The following DTNB variants were observed in gnomAD, a reference collection of about 807,000 sequenced individuals.
DTNB encodes the protein DTN-B.
DTNB carries 63 observed loss-of-function variants against 90.7 expected under a neutral mutation model. The ratio of observed to expected loss-of-function variants is 0.69; its 90% CI spans 0.57 to 0.86. The LOEUF is 0.86. Among genes scored for constraint, DTNB ranks in the 40% least tolerant of loss-of-function variants. DTNB has a pLI of 0.00. For synonymous variants in DTNB, 277 were observed against 286.7 expected, an observed-to-expected ratio of 0.97 and a Z score of 0.34; for missense variants, 744 against 807.1, an observed-to-expected ratio of 0.92 and a Z score of 0.95.
chr2:25,550,187 C>G (rs527513321), intron 8 of DTNB, among the ~76,000 whole-genome samples: 27 of 152,090 alleles, frequency 1.8e-4, no homozygotes, highest in South Asian at 4.2e-4. Context: ...GTCAGGAGAT[C>G]GAGACCATCC....
At position 25,652,635 on chromosome 2, in the gene DTNB, C is replaced by T. The variant is rs769417261; in HGVS notation, c.26G>A (p.Arg9Gln). The change falls in exon 2 of 21, where the codon CGG becomes CAG. Residue 9 changes from arginine to glutamine, a missense_variant. Transcript: ENST00000406818. ...CTGCCTCTTCTCTGCCATGGTCTTC[C>T]GCTTGTTCCCACTTTCCTCAATCAT... MIEESGNKRKTMAEKRQLF... is the reference protein window; with the variant it reads MIEESGNKQKTMAEKRQLF... 14 of 1,612,678 alleles carry T rather than the reference C, an allele frequency of 8.7e-6. No homozygotes were observed. The highest frequency in any genetic ancestry group is 2.2e-5 in the East Asian group (1 of 44,812).
rs566271065 is a variant in DTNB, at chr2:25,498,284, G to C, written c.1002-15411C>G. Among the ~76,000 whole-genome samples, 3 of 152,312 alleles carry C rather than the reference G, an allele frequency of 2.0e-5. No homozygotes were observed. In the South Asian group the frequency reaches 6.2e-4, roughly 32 times the overall value. On this transcript the variant is annotated intron_variant, in intron 9 of 20. Coordinates refer to ENST00000406818, the MANE Select transcript of DTNB (RefSeq NM_021907.5). ...ATTATTTACTTAGATAAATGAAGAA[G>C]TGAGAAAAGCCAAGCCAACAAATCA... is the stretch of plus-strand genomic sequence containing the variant.
chr2:25,596,688 C>T (rs767616255), intron 5 of DTNB, among the ~76,000 whole-genome samples: 5 of 152,098 alleles, frequency 3.3e-5, no homozygotes, highest in Non-Finnish European at 7.4e-5. Context: ...TTGTATTATA[C>T]TTGTATATTC....
intron 1 of DTNB, among the ~76,000 whole-genome samples, chr2:25,653,496 TTTCTTTCTTTCTTTCTTTC>T (rs1262592120): frequency 7.8e-6 from 1 of 128,522 alleles, no homozygotes; most frequent in Non-Finnish European, 1.6e-5. Flanking sequence ...TCTTTCTTTC[TTTCTTTCTTTCTTTCTTTC>T]TTTTTTTTTT....
At chr2:25,389,239 G>GAAC (rs1347759853) in intron 16 of DTNB, among the ~76,000 whole-genome samples, 1 of 152,244 alleles carries the variant, frequency 6.6e-6, no homozygotes, top group Non-Finnish European at 1.5e-5. Context: ...GGAGGCATGG[G>GAAC]AACAACCCCT....
chr2:25,576,299 C>T (rs960508236), intron 8 of DTNB, among the ~76,000 whole-genome samples: 5 of 146,792 alleles, frequency 3.4e-5, no homozygotes, highest in Non-Finnish European at 7.4e-5. Flanking sequence ...AATCTCGGCT[C>T]ACTGCAAGCT....
At chr2:25,610,468 T>G (rs1023115785) in intron 4 of DTNB, among the ~76,000 whole-genome samples, 5 of 152,344 alleles carry the variant, frequency 3.3e-5, no homozygotes, top group African/African-American at 1.2e-4. Flanking sequence ...GATTATGCCT[T>G]TAGTTAATTC....
chr2:25,543,369 G>A (rs370409240), intron 8 of DTNB, among the ~76,000 whole-genome samples: 55 of 151,588 alleles, frequency 3.6e-4, no homozygotes, highest in African/African-American at 1.3e-3. Flanking sequence ...GCAGTGGCAC[G>A]ATCTCGACTC....
intron 5 of DTNB, among the ~76,000 whole-genome samples, chr2:25,601,755 G>A (rs2065928062): frequency 1.3e-5 from 2 of 152,132 alleles, no homozygotes; most frequent in Non-Finnish European, 2.9e-5. Context: ...ACAAAACCAT[G>A]CACACACATC....
At chr2:25,422,395 CTTTTTTTTTTTT>C (rs146697158) in intron 15 of DTNB, among the ~76,000 whole-genome samples, 12 of 82,944 alleles carry the variant, frequency 1.4e-4, no homozygotes, top group South Asian at 4.8e-4. Context: ...CTTTTCTCTT[CTTTTTTTTTTTT>C]TTTTTTTTTT....
chr2:25,419,232 C>A, intron 16 of DTNB: 3 of 538,726 alleles, frequency 5.6e-6, no homozygotes, highest in East Asian at 3.1e-5. Context: ...AATGAAAGAG[C>A]AGGAAAATGC....
At chr2:25,590,201 C>G (rs1465909313) in intron 6 of DTNB, among the ~76,000 whole-genome samples, 1 of 152,244 alleles carries the variant, frequency 6.6e-6, no homozygotes, top group Non-Finnish European at 1.5e-5. Context: ...AGGGGTACAG[C>G]TCTTTTCTCC....
chr2:25,530,987 A>T (rs890241120), intron 9 of DTNB, among the ~76,000 whole-genome samples: 14 of 152,210 alleles, frequency 9.2e-5, no homozygotes, highest in Non-Finnish European at 1.3e-4. Flanking sequence ...CTAAATACAT[A>T]TAAATAAATA....
At chr2:25,379,620 A>G in intron 19 of DTNB, 1 of 346,562 alleles carries the variant, frequency 2.9e-6, no homozygotes, top group Non-Finnish European at 5.2e-6. Context: ...AGGGGGGCAA[A>G]GCCCACTCAG....
At chr2:25,608,760 C>A (rs904514095) in intron 4 of DTNB, among the ~76,000 whole-genome samples, 2 of 152,112 alleles carry the variant, frequency 1.3e-5, no homozygotes, top group Admixed American at 6.5e-5. Context: ...GTAGACTTTC[C>A]ACTACTAAAG....
intron 13 of DTNB, among the ~76,000 whole-genome samples, chr2:25,433,575 C>T (rs185915151): frequency 6.6e-6 from 1 of 151,046 alleles, no homozygotes; most frequent in Non-Finnish European, 1.5e-5. Flanking sequence ...CATAATGGGT[C>T]AGGACAAGAT....
chr2:25,672,417 G>A (rs910580889), intron 1 of DTNB, among the ~76,000 whole-genome samples: 3 of 152,050 alleles, frequency 2.0e-5, no homozygotes, highest in Non-Finnish European at 4.4e-5. Flanking sequence ...GCAGTCAATA[G>A]TCATGGAGCT....
chr2:25,579,377 T>A (rs2061211318), intron 7 of DTNB, among the ~76,000 whole-genome samples: 1 of 152,196 alleles, frequency 6.6e-6, no homozygotes, highest in South Asian at 2.1e-4. Flanking sequence ...TTCTGAAGTA[T>A]GGATAGGAAA....
intron 8 of DTNB, among the ~76,000 whole-genome samples, chr2:25,550,517 A>G (rs2083428168): frequency 6.6e-6 from 1 of 152,118 alleles, no homozygotes; most frequent in South Asian, 2.1e-4. Flanking sequence ...TTTTCTCTCC[A>G]GTGTTTCCTA....
Sources: allele counts gnomAD v4.1 joint callset (sites outside exome capture counted in the v4.1 genomes callset), GRCh38; gene constraint gnomAD v4.1.1; transcripts MANE v1.5; gene names NCBI Gene and HGNC (gene_info 2026-07-23, HGNC 2026-07-21).